LRRC4C: variants seen among roughly 807,000 people sequenced by gnomAD.
The protein encoded by LRRC4C is leucine-rich repeat-containing protein 4C.
In LRRC4C, 5 loss-of-function variants were observed where a neutral mutation model predicts 33.6. The observed-to-expected ratio is 0.15, with a 90% CI of 0.08 to 0.31. LRRC4C has a LOEUF of 0.31. Among genes scored for constraint, LRRC4C ranks in the 10% least tolerant of loss-of-function variants. The pLI is 1.00. For synonymous variants in LRRC4C, 329 were observed against 302.0 expected (o/e 1.09, Z -0.93); for missense variants, 560 against 796.7 (o/e 0.70, Z 3.58).
chr11:40,512,742 G>A (rs187184420), intron 3 of LRRC4C, among the ~76,000 whole-genome samples: 7 of 152,236 alleles, frequency 4.6e-5, no homozygotes, highest in Non-Finnish European at 8.8e-5. Flanking sequence ...CCACGTCTGC[G>A]AAATTCCACT....
chr11:40,168,520 C>G (rs1425346080), intron 5 of LRRC4C, among the ~76,000 whole-genome samples: 1 of 152,182 alleles, frequency 6.6e-6, no homozygotes, highest in Non-Finnish European at 1.5e-5. Context: ...AAAATCTCCA[C>G]AGTATGCAAG....
rs1026986180 is a variant in LRRC4C at position 40,182,042 on chromosome 11, A to G, written c.-95-41189T>C. ...CCCTCTCTCTCTTATTAAGAAAGCT[A>G]ACTGATTCAGAATGAGGTAAACCCA... On this transcript the variant is annotated intron_variant, in intron 5 of 6. Transcript: ENST00000528697. Among the ~76,000 whole-genome samples the G allele has an allele frequency of 9.2e-5, 14 of 152,226 alleles. No homozygotes were observed. The East Asian group carries it at 2.1e-3, about 23-fold the overall frequency.
At chr11:40,912,303 T>G (rs1001501974) in intron 2 of LRRC4C, among the ~76,000 whole-genome samples, 5 of 151,832 alleles carry the variant, frequency 3.3e-5, no homozygotes, top group Non-Finnish European at 7.4e-5. Context: ...AGAGAAAGGT[T>G]GGATTACCCA....
At chr11:40,250,695 C>A (rs561073738) in intron 4 of LRRC4C, among the ~76,000 whole-genome samples, 1 of 151,924 alleles carries the variant, frequency 6.6e-6, no homozygotes, top group Admixed American at 6.6e-5. Flanking sequence ...GCCGAGATTG[C>A]GCCACTGTAC....
chr11:40,419,632 C>T (rs1950451190), intron 3 of LRRC4C, among the ~76,000 whole-genome samples: 2 of 152,082 alleles, frequency 1.3e-5, no homozygotes, highest in African/African-American at 4.8e-5. Context: ...CCAGAAGACC[C>T]GCTGTACAAG....
chr11:40,807,300 T>A (rs186102890), intron 2 of LRRC4C, among the ~76,000 whole-genome samples: 1 of 152,344 alleles, frequency 6.6e-6, no homozygotes, highest in Non-Finnish European at 1.5e-5. Flanking sequence ...CTACTAGTCC[T>A]GCGACAGGCT....
rs146761397 is a variant in LRRC4C at position 40,671,619 on chromosome 11, C to T, written c.-406-23341G>A. Among the ~76,000 whole-genome samples, 855 of 149,966 alleles carry T rather than the reference C, an allele frequency of 5.7e-3. 3 individuals carry two copies. The highest frequency in any genetic ancestry group is 1.0e-2 in the Non-Finnish European group (672 of 67,478). Reference sequence around the variant, plus strand: ...TCTCTTACCCAATGCCGCTTAATGTCTCATTCCTTCATTCTTGTCCTTATT... The same window carrying T: ...TCTCTTACCCAATGCCGCTTAATGTTTCATTCCTTCATTCTTGTCCTTATT... On this transcript the variant is annotated intron_variant, in intron 2 of 6. Coordinates refer to ENST00000528697, the MANE Select transcript of LRRC4C (RefSeq NM_001258419.2).
chr11:40,913,307 C>T (rs1351452925), intron 2 of LRRC4C, among the ~76,000 whole-genome samples: 1 of 152,160 alleles, frequency 6.6e-6, no homozygotes, highest in African/African-American at 2.4e-5. Context: ...GTAAAGCACT[C>T]CTCAGCAAAT....
intron 3 of LRRC4C, among the ~76,000 whole-genome samples, chr11:40,532,728 A>T (rs893822): frequency 1 from 151,238 of 151,918 alleles, 75,290 homozygotes; most frequent in Middle Eastern, 1. Context: ...AGATGGTAAG[A>T]ATAAGCATGG....
chr11:41,135,282 G>A (rs1228743995), intron 1 of LRRC4C, among the ~76,000 whole-genome samples: 1 of 152,036 alleles, frequency 6.6e-6, no homozygotes, highest in Non-Finnish European at 1.5e-5. Context: ...CAGCAATCAA[G>A]AATAGGGGAG....
chr11:40,637,175 T>C (rs1035544662), intron 3 of LRRC4C, among the ~76,000 whole-genome samples: 1 of 152,216 alleles, frequency 6.6e-6, no homozygotes, highest in African/African-American at 2.4e-5. Flanking sequence ...TCATTTCTAC[T>C]GTTGCTTTCT....
At chr11:41,405,485 C>T (rs1591445288) in intron 1 of LRRC4C, among the ~76,000 whole-genome samples, 1 of 152,182 alleles carries the variant, frequency 6.6e-6, no homozygotes, top group African/African-American at 2.4e-5. Context: ...CTCTGATAGG[C>T]TGTTGGAAAA....
intron 4 of LRRC4C, among the ~76,000 whole-genome samples, chr11:40,243,690 T>A (rs992946159): frequency 2.8e-5 from 4 of 141,598 alleles, no homozygotes; most frequent in African/African-American, 1.0e-4. Flanking sequence ...CTTATATCTT[T>A]TTTTTTTTTT....
chr11:41,165,601 G>A lies in LRRC4C; in HGVS notation c.-495-231878C>T, dbSNP rs551122521. Among the ~76,000 whole-genome samples the A allele has an allele frequency of 1.1e-4, 17 of 152,088 alleles. No individual in the cohort carries two copies. In the East Asian group the frequency reaches 1.2e-3, roughly 10 times the overall value. On this transcript the variant is annotated intron_variant, in intron 1 of 6. Transcript: ENST00000528697. ...ATGTCAGGTAGCTTCTAAATTCCTC[G>A]CTCTACTATGCAGGTAAGTTTATCA...
At chr11:40,716,386 T>C (rs79213075) in intron 2 of LRRC4C, among the ~76,000 whole-genome samples, 23,119 of 152,074 alleles carry the variant, frequency 0.15, 1,840 homozygotes, top group South Asian at 0.17. Context: ...CAGTTTCATA[T>C]TGAGATTGGT....
At chr11:40,924,316 G>A (rs1325780079) in intron 2 of LRRC4C, among the ~76,000 whole-genome samples, 1 of 151,806 alleles carries the variant, frequency 6.6e-6, no homozygotes, top group African/African-American at 2.4e-5. Flanking sequence ...CAAAGGATGT[G>A]GTTCTTTAAT....
At chr11:41,172,562 T>C (rs1945022342) in intron 1 of LRRC4C, among the ~76,000 whole-genome samples, 1 of 152,182 alleles carries the variant, frequency 6.6e-6, no homozygotes. Context: ...CTTCCTTTTA[T>C]ATGCTCACAC....
intron 2 of LRRC4C, among the ~76,000 whole-genome samples, chr11:40,848,345 G>T (rs930088439): frequency 6.6e-6 from 1 of 152,090 alleles, no homozygotes; most frequent in African/African-American, 2.4e-5. Flanking sequence ...CTAGTAGGTT[G>T]TGTCTTTATT....
intron 1 of LRRC4C, among the ~76,000 whole-genome samples, chr11:41,307,649 T>C (rs1950541330): frequency 6.6e-6 from 1 of 152,162 alleles, no homozygotes; most frequent in Non-Finnish European, 1.5e-5. Context: ...AGTGACTTTG[T>C]GCATGGCCTC....
Sources: allele counts gnomAD v4.1 joint callset (sites outside exome capture counted in the v4.1 genomes callset), GRCh38; gene constraint gnomAD v4.1.1; transcripts MANE v1.5; gene names NCBI Gene and HGNC (gene_info 2026-07-23, HGNC 2026-07-21).